Variants in PAFAH1B1 observed in about 807,000 individuals in gnomAD.
The protein encoded by PAFAH1B1 is platelet activating factor acetylhydrolase 1b regulatory subunit 1, also known as platelet-activating factor acetylhydrolase IB subunit beta.
PAFAH1B1 carries 2 observed loss-of-function variants against 57.5 expected under a neutral mutation model. That is an observed-to-expected ratio of 0.03 (90% CI 0.01 to 0.11). The LOEUF (loss-of-function observed/expected upper bound fraction) is 0.11, where lower values mean the gene tolerates loss of function less well. Among genes scored for constraint, PAFAH1B1 ranks in the 10% least tolerant of loss-of-function variants. The pLI, the probability that PAFAH1B1 is intolerant of heterozygous loss-of-function variation, is 1.00. For missense variants in PAFAH1B1, 257 were observed against 512.0 expected, an observed-to-expected ratio of 0.50 and a Z score of 4.81; for synonymous variants, 152 against 169.6, an observed-to-expected ratio of 0.90 and a Z score of 0.81.
At chr17:2,602,172 C>T (rs1464360597) in intron 1 of PAFAH1B1, among the ~76,000 whole-genome samples, 1 of 151,830 alleles carries the variant, frequency 6.6e-6, no homozygotes, top group Non-Finnish European at 1.5e-5. Flanking sequence ...ATTATTCAAG[C>T]TTTCTGGCTC....
chr17:2,673,961 G>T, intron 7 of PAFAH1B1, 99 bp from the exon 8 acceptor site: 1 of 811,518 alleles, frequency 1.2e-6, no homozygotes, highest in Non-Finnish European at 2.1e-6. Flanking sequence ...TCTCTAACTT[G>T]GTACCATTCT....
intron 2 of PAFAH1B1, among the ~76,000 whole-genome samples, chr17:2,645,701 C>T (rs1014249490): frequency 4.0e-5 from 6 of 151,246 alleles, no homozygotes; most frequent in African/African-American, 1.2e-4. Flanking sequence ...GCAACCTCCA[C>T]CTCTTGGGTT....
At chr17:2,646,193 CTTAA>C (rs2068765968) in intron 2 of PAFAH1B1, among the ~76,000 whole-genome samples, 1 of 151,960 alleles carries the variant, frequency 6.6e-6, no homozygotes, top group Admixed American at 6.6e-5. Flanking sequence ...GTCCAGTAAA[CTTAA>C]TTGATAAAAC....
chr17:2,600,952 G>A (rs939041387), intron 1 of PAFAH1B1, among the ~76,000 whole-genome samples: 50 of 151,942 alleles, frequency 3.3e-4, no homozygotes, highest in African/African-American at 1.1e-3. Flanking sequence ...GGCTGATCTC[G>A]AACTCCTGAC....
intron 9 of PAFAH1B1, 54 bp from the exon 10 acceptor site, chr17:2,680,110 T>C: frequency 6.9e-7 from 1 of 1,440,872 alleles, no homozygotes; most frequent in Non-Finnish European, 9.8e-7. Context: ...ATGAAATAGA[T>C]GCTATTTAAA....
chr17:2,618,321 G>C (rs2068374419), intron 1 of PAFAH1B1, among the ~76,000 whole-genome samples: 1 of 152,116 alleles, frequency 6.6e-6, no homozygotes, highest in African/African-American at 2.4e-5. Flanking sequence ...CATATCTTCA[G>C]TTATTCATAC....
chr17:2,668,195 G>A (rs11078300), intron 5 of PAFAH1B1, among the ~76,000 whole-genome samples: 30,369 of 151,644 alleles, frequency 0.2, 3,417 homozygotes, highest in Middle Eastern at 0.26. Context: ...GCATGGCAGC[G>A]TGCGCCTGTA....
At chr17:2,611,110 T>C (rs191052879) in intron 1 of PAFAH1B1, among the ~76,000 whole-genome samples, 2 of 152,314 alleles carry the variant, frequency 1.3e-5, no homozygotes, top group African/African-American at 4.8e-5. Flanking sequence ...TGTCTTCTTC[T>C]CTGTAATTTG....
chr17:2,680,492 C>T (rs1299009785), intron 10 of PAFAH1B1, among the ~76,000 whole-genome samples, 172 bp downstream of exon 10: 1 of 152,208 alleles, frequency 6.6e-6, no homozygotes, highest in Non-Finnish European at 1.5e-5. Flanking sequence ...ATTCTCCTTT[C>T]CCGTTAACTC....
At chr17:2,629,135 T>C (rs2151628335) in intron 1 of PAFAH1B1, among the ~76,000 whole-genome samples, 1 of 152,318 alleles carries the variant, frequency 6.6e-6, no homozygotes, top group African/African-American at 2.4e-5. Context: ...TTTCTTCTGC[T>C]GGGTTTGGGT....
chr17:2,612,449 C>G (rs71359170), intron 1 of PAFAH1B1, among the ~76,000 whole-genome samples: 7 of 152,050 alleles, frequency 4.6e-5, no homozygotes, highest in African/African-American at 7.2e-5. Flanking sequence ...CTCAGGTGAT[C>G]TGCCCGCCTC....
chr17:2,601,555 C>T (rs2068143766), intron 1 of PAFAH1B1, among the ~76,000 whole-genome samples: 2 of 152,188 alleles, frequency 1.3e-5, no homozygotes, highest in South Asian at 4.1e-4. Context: ...AATTCTCCTG[C>T]CTCAGCCTCC....
At chr17:2,659,830 G>A (rs539358216) in intron 2 of PAFAH1B1, among the ~76,000 whole-genome samples, 8 of 152,026 alleles carry the variant, frequency 5.3e-5, no homozygotes, top group Admixed American at 2.6e-4. Context: ...GTGAGACTCC[G>A]TTTCAAAAAA....
intron 2 of PAFAH1B1, among the ~76,000 whole-genome samples, chr17:2,659,184 G>A (rs150162092): frequency 0.012 from 1,831 of 151,722 alleles, 35 homozygotes; most frequent in African/African-American, 0.042. Context: ...CCAGGAGGGG[G>A]AGGTTGCAGT....
chr17:2,630,274 C>A (rs1368449966), intron 1 of PAFAH1B1, among the ~76,000 whole-genome samples: 2 of 152,084 alleles, frequency 1.3e-5, no homozygotes, highest in Non-Finnish European at 2.9e-5. Flanking sequence ...ATTTAGAGCT[C>A]CGTTTAGCAG....
At chr17:2,648,181 G>A (rs1010641909) in intron 2 of PAFAH1B1, among the ~76,000 whole-genome samples, 3 of 152,184 alleles carry the variant, frequency 2.0e-5, no homozygotes, top group Admixed American at 6.5e-5. Flanking sequence ...CCCTTATTAA[G>A]CCATTAGATC....
intron 1 of PAFAH1B1, among the ~76,000 whole-genome samples, chr17:2,594,742 T>G (rs1283873531): frequency 6.6e-6 from 1 of 152,228 alleles, no homozygotes; most frequent in African/African-American, 2.4e-5. Flanking sequence ...AGTTGCCTTT[T>G]GATGCTGTTA....
intron 1 of PAFAH1B1, among the ~76,000 whole-genome samples, chr17:2,598,112 G>A (rs1470110008): frequency 1.3e-5 from 2 of 152,092 alleles, no homozygotes; most frequent in Non-Finnish European, 2.9e-5. Flanking sequence ...AGCCGGGCAT[G>A]GTGGCGCACA....
chr17:2,666,129 G>GT (rs1336289904), intron 4 of PAFAH1B1, 39 bp downstream of exon 4: 1 of 1,367,646 alleles, frequency 7.3e-7, no homozygotes, highest in African/African-American at 1.4e-5. Flanking sequence ...GTTGTATTCA[G>GT]TTATATAAAC....
Sources: allele counts gnomAD v4.1 joint callset (sites outside exome capture counted in the v4.1 genomes callset), GRCh38; gene constraint gnomAD v4.1.1; transcripts MANE v1.5; gene names NCBI Gene and HGNC (gene_info 2026-07-23, HGNC 2026-07-21).